NCAM1: variants seen among roughly 807,000 people sequenced by gnomAD.
NCAM1 encodes the protein antigen recognized by monoclonal antibody 5.1H11.
A neutral mutation model predicts 109.8 loss-of-function variants in NCAM1; 14 were observed. The observed-to-expected ratio is 0.13, with a 90% CI of 0.08 to 0.20. The LOEUF (loss-of-function observed/expected upper bound fraction) is 0.20, where lower values mean the gene tolerates loss of function less well. Ranked by LOEUF, NCAM1 falls within the 10% of genes least tolerant of loss-of-function variation. NCAM1 has a pLI of 1.00. For synonymous variants in NCAM1, 418 were observed against 442.9 expected (o/e 0.94, Z 0.70); for missense variants, 774 against 1,109.9 (o/e 0.70, Z 4.30).
chr11:112,977,119 A>T (rs200513853), intron 1 of NCAM1, among the ~76,000 whole-genome samples: 20 of 1,226 alleles, frequency 0.016, no homozygotes, highest in South Asian at 0.5. Flanking sequence ...AAACTTTGGT[A>T]AAAAAAAAAA....
chr11:113,235,181 G>GC lies in NCAM1; in HGVS notation c.1825+23dup. 2 of 1,613,832 alleles carry GC rather than the reference G, an allele frequency of 1.2e-6. No individual in the cohort carries two copies. The highest frequency in any genetic ancestry group is 1.7e-6 in the Non-Finnish European group (2 of 1,179,804). On this transcript the variant is annotated intron_variant, in intron 14 of 19. Coordinates refer to ENST00000316851, the MANE Select transcript of NCAM1 (RefSeq NM_181351.5). ...AGCCAGTCCGTAAGTAAAGCCAGCT[G>GC]CCCCCCTTTTCCCAGCCCACCTTCT...
At chr11:113,235,294 G>C in intron 14 of NCAM1, 130 bp downstream of exon 14, 1 of 1,578,222 alleles carries the variant, frequency 6.3e-7, no homozygotes, top group Non-Finnish European at 8.6e-7. Context: ...TCTGCTCCTG[G>C]AGGCCCCACC....
In NCAM1 at chr11:112,992,499, T is replaced by G. The variant is rs1273980828; in HGVS notation, c.52+30835T>G. On this transcript the variant is annotated intron_variant, in intron 1 of 19. Transcript: ENST00000316851. Reference sequence around the variant, plus strand: ...CACAGAAAAATCATGAACTCTTTTTTTTTCTTTTTTTTTTTTTTTTGAGAC... The same window carrying G: ...CACAGAAAAATCATGAACTCTTTTTGTTTCTTTTTTTTTTTTTTTTGAGAC... Among the ~76,000 whole-genome samples, 3 of 151,364 alleles carry G rather than the reference T, an allele frequency of 2.0e-5. No homozygotes were observed. In the East Asian group the frequency reaches 5.8e-4, roughly 29 times the overall value.
chr11:113,261,865 A>T (rs1319275882), intron 17 of NCAM1, among the ~76,000 whole-genome samples: 2 of 152,152 alleles, frequency 1.3e-5, no homozygotes, highest in Non-Finnish European at 2.9e-5. Context: ...GGGTACTCCT[A>T]GCAGCACTGG....
At chr11:113,116,607 T>C (rs782731728) in intron 1 of NCAM1, among the ~76,000 whole-genome samples, 14 of 152,236 alleles carry the variant, frequency 9.2e-5, no homozygotes, top group Non-Finnish European at 1.9e-4. Context: ...TCTGGCTTTT[T>C]CTATGGGTTT....
At chr11:112,982,619 T>C (rs141215947) in intron 1 of NCAM1, among the ~76,000 whole-genome samples, 1 of 151,888 alleles carries the variant, frequency 6.6e-6, no homozygotes, top group African/African-American at 2.4e-5. Context: ...AGGAAGGCAT[T>C]ATGCAAGAAA....
chr11:113,147,529 T>C (rs1942062412), intron 1 of NCAM1, among the ~76,000 whole-genome samples: 1 of 152,256 alleles, frequency 6.6e-6, no homozygotes, highest in Non-Finnish European at 1.5e-5. Flanking sequence ...TCTTCTCTAA[T>C]GAGGTCACCT....
At chr11:113,198,609 A>G (rs1943929662) in intron 1 of NCAM1, among the ~76,000 whole-genome samples, 1 of 152,120 alleles carries the variant, frequency 6.6e-6, no homozygotes, top group Non-Finnish European at 1.5e-5. Context: ...CCAAAGTGCT[A>G]GGATTACAGG....
chr11:113,243,560 G>T (rs968697078), intron 14 of NCAM1: 1 of 518,706 alleles, frequency 1.9e-6, no homozygotes, highest in Non-Finnish European at 3.8e-6. Context: ...AGAAAACATT[G>T]CACAGAATCA....
rs1555111558 is a variant in NCAM1 at position 113,199,829 on chromosome 11, TAAA to T, written c.53-2532_53-2530del. Among the ~76,000 whole-genome samples the T allele has an allele frequency of 2.6e-3, 306 of 115,778 alleles. 5 individuals are homozygous for T. The highest frequency in any genetic ancestry group is 9.9e-3 in the African/African-American group (290 of 29,354). The allele number at this position is 115,778 out of a possible 152,430, so 76.0% of individuals were successfully genotyped here. On this transcript the variant is annotated intron_variant, in intron 1 of 19. Coordinates refer to ENST00000316851, the MANE Select transcript of NCAM1 (RefSeq NM_181351.5). ...GCAAATAAAGTAAAAGAAACACCCT[TAAA>T]AAAAAAAAAAAAAAAAACTTCTGTG...
intron 1 of NCAM1, among the ~76,000 whole-genome samples, chr11:113,191,664 G>C (rs1943677149): frequency 2.6e-5 from 4 of 152,096 alleles, no homozygotes; most frequent in Admixed American, 2.0e-4. Context: ...TGTGGATTAA[G>C]TGAAGTGCTT....
chr11:113,171,483 A>T (rs7103744), intron 1 of NCAM1, among the ~76,000 whole-genome samples: 2,287 of 152,214 alleles, frequency 0.015, 55 homozygotes, highest in African/African-American at 0.052. Flanking sequence ...AATACAAAAA[A>T]TTAGCCAGGC....
intron 1 of NCAM1, among the ~76,000 whole-genome samples, chr11:113,085,411 G>A (rs1005193201): frequency 3.3e-5 from 5 of 152,206 alleles, no homozygotes; most frequent in Admixed American, 1.3e-4. Context: ...GTTATCATTC[G>A]TATTAGCCCC....
chr11:113,275,200 C>T, intron 19 of NCAM1, 67 bp from the exon 20 acceptor site: 1 of 1,595,152 alleles, frequency 6.3e-7, no homozygotes, highest in Non-Finnish European at 8.5e-7. Context: ...TCCCCAAGGC[C>T]TGGATGCAGG....
chr11:113,207,198 C>T (rs1465581205), intron 5 of NCAM1, 63 bp from the exon 6 acceptor site: 2 of 1,357,822 alleles, frequency 1.5e-6, no homozygotes, highest in African/African-American at 1.4e-5. Context: ...GGTGTCTCTT[C>T]TCCAGGCCAT....
At chr11:113,222,843 A>C (rs1565510001) in intron 9 of NCAM1, among the ~76,000 whole-genome samples, 1 of 152,186 alleles carries the variant, frequency 6.6e-6, no homozygotes, top group East Asian at 1.9e-4. Flanking sequence ...TGTCCTTATC[A>C]TGAGTGTCTT....
chr11:113,054,319 G>A (rs1555082219), intron 1 of NCAM1, among the ~76,000 whole-genome samples: 2 of 152,204 alleles, frequency 1.3e-5, no homozygotes, highest in East Asian at 1.9e-4. Context: ...ATTGGAGTCC[G>A]GTGTCAGCCA....
At chr11:113,185,560 G>A (rs1251914637) in intron 1 of NCAM1, among the ~76,000 whole-genome samples, 1 of 150,860 alleles carries the variant, frequency 6.6e-6, no homozygotes, top group Non-Finnish European at 1.5e-5. Context: ...TTTTAGTGTA[G>A]CATTGTACTT....
intron 1 of NCAM1, among the ~76,000 whole-genome samples, chr11:112,973,070 G>A (rs1430653667): frequency 3.3e-5 from 5 of 152,088 alleles, no homozygotes; most frequent in African/African-American, 1.2e-4. Context: ...ATTATTTTTA[G>A]ATTCAGTTTT....
Sources: allele counts gnomAD v4.1 joint callset (sites outside exome capture counted in the v4.1 genomes callset), GRCh38; gene constraint gnomAD v4.1.1; transcripts MANE v1.5; gene names NCBI Gene and HGNC (gene_info 2026-07-23, HGNC 2026-07-21).